The following PDE10A variants were observed in gnomAD, a reference collection of about 807,000 sequenced individuals.
PDE10A encodes the protein cAMP and cAMP-inhibited cGMP 3',5'-cyclic phosphodiesterase 10A.
PDE10A carries 39 observed loss-of-function variants against 97.7 expected under a neutral mutation model. The ratio of observed to expected loss-of-function variants is 0.40; its 90% CI spans 0.31 to 0.52. PDE10A has a LOEUF of 0.52. Ranked by LOEUF, PDE10A falls within the 20% of genes least tolerant of loss-of-function variation. The pLI is 0.56. For synonymous variants in PDE10A, 371 were observed against 376.8 expected, an observed-to-expected ratio of 0.98 and a Z score of 0.18; for missense variants, 731 against 1,047.8, an observed-to-expected ratio of 0.70 and a Z score of 4.17.
intron 19 of PDE10A, among the ~76,000 whole-genome samples, chr6:165,342,125 G>C (rs912665298): frequency 2.6e-5 from 4 of 152,066 alleles, no homozygotes; most frequent in Non-Finnish European, 5.9e-5. Flanking sequence ...TTTTATGGTA[G>C]TAAATGATAA....
intron 1 of PDE10A, among the ~76,000 whole-genome samples, chr6:165,741,659 A>G (rs1222272895): frequency 6.6e-6 from 1 of 152,228 alleles, no homozygotes; most frequent in Non-Finnish European, 1.5e-5. Flanking sequence ...ACTATATATT[A>G]TACAGGGATA....
intron 1 of PDE10A, among the ~76,000 whole-genome samples, chr6:165,848,183 C>G (rs1014856459): frequency 6.6e-6 from 1 of 152,088 alleles, no homozygotes; most frequent in Non-Finnish European, 1.5e-5. Context: ...TTGTTCTTGA[C>G]GCATTCATTC....
chr6:165,762,119 G>A (rs994511835), intron 1 of PDE10A, among the ~76,000 whole-genome samples: 1 of 151,986 alleles, frequency 6.6e-6, no homozygotes, highest in Non-Finnish European at 1.5e-5. Flanking sequence ...ACAATAAGAT[G>A]CCAGACCACT....
rs144170007 is a variant in PDE10A at position 165,959,967 on chromosome 6, C to T, written c.-615+27562G>A. 3.9e-5 allele frequency among the ~76,000 whole-genome samples: 6 copies of T among 152,278 alleles called. No individual in the cohort carries two copies. The East Asian group carries it at 1.2e-3, about 29-fold the overall frequency. The stretch of plus-strand genomic sequence containing the variant: ...GCCCCACTTTATCTACAGTTAGCTG[C>T]ACCAGCCACAGCAAGGGACAATCCA... On this transcript the variant is annotated intron_variant, in intron 1 of 19. Coordinates refer to the PDE10A transcript ENST00000366882.
chr6:165,783,745 A>G (rs1346051444), intron 1 of PDE10A, among the ~76,000 whole-genome samples: 1 of 152,186 alleles, frequency 6.6e-6, no homozygotes, highest in Non-Finnish European at 1.5e-5. Flanking sequence ...AGATCTAGGA[A>G]CAAGCAATAG....
At position 165,327,443 on chromosome 6, in the gene PDE10A, T is replaced by C. The variant is rs1562347497; in HGVS notation, c.*5582A>G. 6.6e-6 allele frequency: 1 copy of C among 152,206 alleles called. No homozygotes were observed. The highest frequency in any genetic ancestry group is 1.5e-5 in the Non-Finnish European group (1 of 68,018). The allele number at this position is 152,206 out of a possible 1,614,324, so 9.4% of individuals were successfully genotyped here. A position where few individuals can be genotyped will look rare whatever the true frequency, so the allele number is the denominator to read the frequency against. The stretch of plus-strand genomic sequence containing the variant: ...ATTCTTGCTGCTTTAACCATGTAAG[T>C]AAAACAAAGATTTTGCAATATAACA... On this transcript the variant is annotated 3_prime_UTR_variant, in exon 22 of 22. Transcript: ENST00000539869.
intron 1 of PDE10A, among the ~76,000 whole-genome samples, chr6:165,634,053 C>A (rs1788758033): frequency 6.6e-6 from 1 of 152,086 alleles, no homozygotes; most frequent in Non-Finnish European, 1.5e-5. Context: ...GTCAAGAGTG[C>A]AACAGAATCA....
intron 3 of PDE10A, among the ~76,000 whole-genome samples, chr6:165,458,095 G>GA (rs1469450363): frequency 1.3e-5 from 2 of 151,966 alleles, no homozygotes; most frequent in African/African-American, 4.8e-5. Context: ...TTCAATATTG[G>GA]AAAAATATCT....
Position 165,448,958 on chromosome 6 carries a change from A to G in PDE10A, c.1164T>C (p.Phe388=), listed in dbSNP as rs778814596. 1 of 1,613,200 alleles carries G rather than the reference A, an allele frequency of 6.2e-7. No homozygotes were observed. The highest frequency in any genetic ancestry group is 8.5e-7 in the Non-Finnish European group (1 of 1,179,256). Residue 388 remains phenylalanine, a synonymous_variant, in exon 5 of 22, where the codon TTT becomes TTC. Transcript: ENST00000539869. ...TGCACTCTCCAAGGAAATACAGTGC[A>G]AATCCATCGGCTTTTGTGGCTGCCA... ...IIKIATKADG[F]ALYFLGECNN...
intron 1 of PDE10A, among the ~76,000 whole-genome samples, chr6:165,834,481 G>T (rs548629879): frequency 1.3e-5 from 2 of 152,172 alleles, no homozygotes; most frequent in African/African-American, 2.4e-5. Flanking sequence ...GGAGTGAGAC[G>T]ATCAGAGCCC....
intron 1 of PDE10A, among the ~76,000 whole-genome samples, chr6:165,553,401 T>C (rs1304056875): frequency 6.6e-6 from 1 of 152,168 alleles, no homozygotes; most frequent in African/African-American, 2.4e-5. Flanking sequence ...CTAGTACTGA[T>C]ACCATTTTTA....
intron 1 of PDE10A, among the ~76,000 whole-genome samples, chr6:165,565,683 A>C (rs1305302341): frequency 6.6e-6 from 1 of 152,188 alleles, no homozygotes; most frequent in Non-Finnish European, 1.5e-5. Context: ...CAAGACATAC[A>C]ATAAGGCTAC....
Position 165,587,115 on chromosome 6 carries a change from C to T in PDE10A, c.866-43547G>A, listed in dbSNP as rs114827236. On this transcript the variant is annotated intron_variant, in intron 1 of 21. Coordinates refer to ENST00000539869, the MANE Select transcript of PDE10A (RefSeq NM_001385079.1). ...TGGAAAAGGAGAGAGTAGAATGGCA[C>T]GTGGAATGTGAGTTTCTGACGGGCA... Among the ~76,000 whole-genome samples, 1,311 of 152,150 alleles carry T rather than the reference C, an allele frequency of 8.6e-3. 21 individuals are homozygous for T. The highest frequency in any genetic ancestry group is 0.03 in the African/African-American group (1,252 of 41,514).
At chr6:165,382,414 A>G (rs1265236723) in intron 17 of PDE10A, among the ~76,000 whole-genome samples, 2 of 152,196 alleles carry the variant, frequency 1.3e-5, no homozygotes, top group Admixed American at 6.5e-5. Context: ...TACATAGAAT[A>G]CTGATTTTGA....
chr6:165,499,205 G>T (rs1044503708), intron 2 of PDE10A, among the ~76,000 whole-genome samples: 2 of 152,196 alleles, frequency 1.3e-5, no homozygotes, highest in Non-Finnish European at 2.9e-5. Context: ...GGAAGAGTCT[G>T]ATCAGGGGAC....
At chr6:165,530,929 C>A (rs1782740470) in intron 2 of PDE10A, among the ~76,000 whole-genome samples, 1 of 152,194 alleles carries the variant, frequency 6.6e-6, no homozygotes, top group Non-Finnish European at 1.5e-5. Flanking sequence ...CTTTCAATAA[C>A]TTGACATTGC....
intron 1 of PDE10A, among the ~76,000 whole-genome samples, chr6:165,966,087 A>G (rs1223560758): frequency 1.3e-5 from 2 of 152,238 alleles, no homozygotes; most frequent in Non-Finnish European, 2.9e-5. Context: ...TTGGGACTTC[A>G]TATTCCAAGT....
At chr6:165,651,623 G>A (rs1439353450) in intron 1 of PDE10A, among the ~76,000 whole-genome samples, 1 of 152,110 alleles carries the variant, frequency 6.6e-6, no homozygotes, top group East Asian at 1.9e-4. Context: ...GTTTCATTGT[G>A]TTTTTTGAAT....
chr6:165,702,595 C>T (rs535440647), intron 1 of PDE10A, among the ~76,000 whole-genome samples: 59 of 152,314 alleles, frequency 3.9e-4, no homozygotes, highest in Admixed American at 1.2e-3. Context: ...TCAACTAATT[C>T]GCCAGGAACA....
Sources: allele counts gnomAD v4.1 joint callset (sites outside exome capture counted in the v4.1 genomes callset), GRCh38; gene constraint gnomAD v4.1.1; transcripts MANE v1.5; gene names NCBI Gene and HGNC (gene_info 2026-07-23, HGNC 2026-07-21).